The following FBXO3 variants were observed in gnomAD, a reference collection of about 807,000 sequenced individuals.
FBXO3 encodes the protein F-box only protein 3.
In FBXO3, 17 loss-of-function variants were observed where a neutral mutation model predicts 64.8. The ratio of observed to expected loss-of-function variants is 0.26; its 90% CI spans 0.18 to 0.39. The LOEUF is 0.39. Among genes scored for constraint, FBXO3 ranks in the 10% least tolerant of loss-of-function variants. The probability of loss-of-function intolerance (pLI) is 1.00; values close to 1 mark genes in which losing one functional copy is unlikely to be tolerated. For synonymous variants in FBXO3, 182 were observed against 201.6 expected (o/e 0.90, Z 0.82); for missense variants, 420 against 589.9 (o/e 0.71, Z 2.98).
intron 2 of FBXO3, 76 bp from the exon 3 acceptor site, chr11:33,769,090 T>C (rs963131708): frequency 2.1e-5 from 25 of 1,208,396 alleles, no homozygotes; most frequent in East Asian, 5.2e-5. Context: ...CTACAACATA[T>C]AGAAACTTGT....
intron 9 of FBXO3, among the ~76,000 whole-genome samples, chr11:33,748,334 A>T (rs1236793681): frequency 6.6e-6 from 1 of 152,228 alleles, no homozygotes; most frequent in Non-Finnish European, 1.5e-5. Flanking sequence ...TTCCTGGAGC[A>T]TATATTCAAA....
chr11:33,763,640 A>C (rs1294782236), intron 3 of FBXO3, among the ~76,000 whole-genome samples: 8 of 151,530 alleles, frequency 5.3e-5, no homozygotes, highest in Non-Finnish European at 7.4e-5. Context: ...AAAAAAAAAA[A>C]AAAAAAACCC....
intron 1 of FBXO3, chr11:33,771,674 G>A (rs1855514521): frequency 1.3e-5 from 2 of 152,226 alleles, no homozygotes; most frequent in Admixed American, 1.3e-4. Context: ...TGACTAAGGT[G>A]TGTTAAAAAC....
Position 33,755,918 on chromosome 11 carries a change from G to A in FBXO3, c.531C>T (p.Val177=), listed in dbSNP as rs762175150. 14 of 1,613,868 alleles carry A rather than the reference G, an allele frequency of 8.7e-6. No homozygotes were observed. The highest frequency in any genetic ancestry group is 5.5e-5 in the South Asian group (5 of 91,074). Residue 177 remains valine (V), a synonymous_variant, in exon 5 of 11, where the codon GTC becomes GTT. Transcript: ENST00000265651. ...NHYRSEDLLD[V]DTAAGGFQQR... ...GCTGGAATCCTCCGGCAGCTGTATCGACGTCTAACAAATCTTCAGAACGAT... is the reference window on the plus strand; with the variant it reads ...GCTGGAATCCTCCGGCAGCTGTATCAACGTCTAACAAATCTTCAGAACGAT...
At chr11:33,768,346 A>C (rs116898444) in intron 3 of FBXO3, among the ~76,000 whole-genome samples, 5,121 of 152,294 alleles carry the variant, frequency 0.034, 120 homozygotes, top group Non-Finnish European at 0.044. Context: ...TAGTTCTACT[A>C]TTTTGCAAAT....
intron 3 of FBXO3, among the ~76,000 whole-genome samples, chr11:33,766,108 G>C (rs948151962): frequency 6.6e-6 from 1 of 152,146 alleles, no homozygotes; most frequent in Admixed American, 6.5e-5. Flanking sequence ...ACCTACCTTA[G>C]AGAATTACAG....
intron 2 of FBXO3, among the ~76,000 whole-genome samples, chr11:33,769,854 G>GT (rs35225091): frequency 0.38 from 47,280 of 123,538 alleles, 9,600 homozygotes; most frequent in Non-Finnish European, 0.46. Flanking sequence ...CTCAGGGTGG[G>GT]TTTTTTTTTT....
chr11:33,742,101 A>C lies in FBXO3; in HGVS notation c.1240-17T>G. The C allele has an allele frequency of 6.6e-7, 1 of 1,524,692 alleles. No individual in the cohort carries two copies. The highest frequency in any genetic ancestry group is 8.8e-7 in the Non-Finnish European group (1 of 1,138,298). 94.4% of individuals were successfully genotyped at this position (1,524,692 alleles called of 1,614,324 possible). ...ACCCATTTCCTTGAAAGAGAAAACA[A>C]TCTTTTGATAAGAAGAGCATCTATC... is the stretch of plus-strand genomic sequence containing the variant. On this transcript the variant is annotated splice_polypyrimidine_tract_variant and intron_variant, in intron 10 of 10. Transcript: ENST00000265651.
chr11:33,751,573 G>A lies in FBXO3; in HGVS notation c.759C>T (p.Val253=), dbSNP rs374585631. The A allele has an allele frequency of 6.8e-6, 11 of 1,606,896 alleles. No individual in the cohort carries two copies. The highest frequency in any genetic ancestry group is 5.4e-5 in the African/African-American group (4 of 74,412). Residue 253 remains valine, a synonymous_variant, in exon 7 of 11, where the codon GTC becomes GTT. Coordinates refer to ENST00000265651, the MANE Select transcript of FBXO3 (RefSeq NM_012175.4). The stretch of plus-strand genomic sequence containing the variant: ...GGAAGCCACCTGATACAACATTTTT[G>A]ACATAAGAGGTAAACCAGTCAGTAA... ...ATFTDWFTSY[V]KNVVSGGFPI... is the part of the protein sequence containing the mutation.
intron 1 of FBXO3, chr11:33,772,639 C>T (rs1855536989): frequency 6.6e-6 from 1 of 152,286 alleles, no homozygotes; most frequent in Non-Finnish European, 1.5e-5. Flanking sequence ...TTGATCACTT[C>T]TCACTTCCTA....
chr11:33,754,388 C>A, intron 6 of FBXO3, 67 bp downstream of exon 6: 1 of 1,382,104 alleles, frequency 7.2e-7, no homozygotes. Flanking sequence ...AAGTTTTTAC[C>A]ATTTTAATTT....
Position 33,764,845 on chromosome 11 carries a change from G to A in FBXO3, c.358+4006C>T, listed in dbSNP as rs183937339. On this transcript the variant is annotated intron_variant, in intron 3 of 10. Transcript: ENST00000265651. Reference sequence around the variant, plus strand: ...AAAAATTAGCCAGGTGTGGTGGTTCGTGACTGTAGTCCCAGCTACTTGGGA... The same window carrying A: ...AAAAATTAGCCAGGTGTGGTGGTTCATGACTGTAGTCCCAGCTACTTGGGA... 4.2e-4 allele frequency among the ~76,000 whole-genome samples: 64 copies of A among 152,232 alleles called. No homozygotes were observed. In the East Asian group the frequency reaches 0.011, roughly 27 times the overall value.
intron 1 of FBXO3, chr11:33,773,507 G>A (rs998253989): frequency 6.6e-6 from 1 of 152,180 alleles, no homozygotes; most frequent in African/African-American, 2.4e-5. Flanking sequence ...TCCTAAGAGG[G>A]CGACTTTGCA....
At position 33,741,750 on chromosome 11, in the gene FBXO3, C is replaced by T; in HGVS notation, c.*158G>A. 1 of 612,088 alleles carries T rather than the reference C, an allele frequency of 1.6e-6. No individual in the cohort carries two copies. Among genetic ancestry groups the T allele is most frequent in the Middle Eastern group, 4.9e-4 (1 of 2,058 alleles). 37.9% of individuals were successfully genotyped at this position (612,088 alleles called of 1,614,324 possible). Reference sequence around the variant, plus strand: ...AAACACAAAGCAAACCCAAACAATCCAATTCCTAATGTAGTGTCACATAGA... The same window carrying T: ...AAACACAAAGCAAACCCAAACAATCTAATTCCTAATGTAGTGTCACATAGA... On this transcript the variant is annotated 3_prime_UTR_variant, in exon 11 of 11. Transcript: ENST00000265651.
At chr11:33,768,111 C>T (rs948545350) in intron 3 of FBXO3, among the ~76,000 whole-genome samples, 2 of 152,126 alleles carry the variant, frequency 1.3e-5, no homozygotes, top group African/African-American at 4.8e-5. Flanking sequence ...CCAATTTTAG[C>T]TTAGCAAAAC....
intron 3 of FBXO3, among the ~76,000 whole-genome samples, chr11:33,765,970 T>C (rs1224985295): frequency 6.6e-6 from 1 of 152,154 alleles, no homozygotes; most frequent in Non-Finnish European, 1.5e-5. Context: ...GTCTTATAAA[T>C]TACCCAGAGT....
chr11:33,747,002 A>G (rs1854828687), intron 10 of FBXO3, 128 bp downstream of exon 10: 21 of 1,499,890 alleles, frequency 1.4e-5, no homozygotes, highest in Non-Finnish European at 1.8e-5. Context: ...CATGACCCCC[A>G]AGATACTTTC....
At chr11:33,758,462 A>T (rs1855161779) in intron 4 of FBXO3, 25 bp downstream of exon 4, 2 of 1,518,448 alleles carry the variant, frequency 1.3e-6, no homozygotes, top group Non-Finnish European at 1.8e-6. Flanking sequence ...ATCATTAAAA[A>T]TAACCAAAAC....
rs370729049 is a variant in FBXO3 at position 33,770,731 on chromosome 11, G to A, written c.194+10C>T. 1.7e-5 allele frequency: 27 copies of A among 1,603,538 alleles called. No homozygotes were observed. Among genetic ancestry groups the A allele is most frequent in the Admixed American group, 5.0e-5 (3 of 59,832 alleles). Reference sequence around the variant, plus strand: ...CAGTTTTCAGAAGTACATATTCCTCGAATACTCACTCAGATATCAGCCAGT... The same window carrying A: ...CAGTTTTCAGAAGTACATATTCCTCAAATACTCACTCAGATATCAGCCAGT... On this transcript the variant is annotated intron_variant, in intron 2 of 10. Transcript: ENST00000265651.
Sources: allele counts gnomAD v4.1 joint callset (sites outside exome capture counted in the v4.1 genomes callset), GRCh38; gene constraint gnomAD v4.1.1; transcripts MANE v1.5; gene names NCBI Gene and HGNC (gene_info 2026-07-23, HGNC 2026-07-21).